The following CHST11 variants were observed in gnomAD, a reference collection of about 807,000 sequenced individuals.
CHST11 encodes C4S-1.
A neutral mutation model predicts 30.4 loss-of-function variants in CHST11; 9 were observed. The observed-to-expected ratio is 0.30, with a 90% CI of 0.18 to 0.52. CHST11 has a LOEUF of 0.52. Among genes scored for constraint, CHST11 ranks in the 20% least tolerant of loss-of-function variants. The pLI is 0.97. For synonymous variants in CHST11, 152 were observed against 187.8 expected, an observed-to-expected ratio of 0.81 and a Z score of 1.56; for missense variants, 348 against 460.6, an observed-to-expected ratio of 0.76 and a Z score of 2.24.
At chr12:104,672,801 T>C (rs1215365281) in intron 2 of CHST11, among the ~76,000 whole-genome samples, 1 of 152,172 alleles carries the variant, frequency 6.6e-6, no homozygotes, top group Non-Finnish European at 1.5e-5. Flanking sequence ...TTCACATGCC[T>C]CCCGCATGGC....
intron 2 of CHST11, among the ~76,000 whole-genome samples, chr12:104,724,929 G>C (rs182577343): frequency 6.6e-6 from 1 of 152,280 alleles, no homozygotes; most frequent in East Asian, 1.9e-4. Flanking sequence ...CTAGTGTTCT[G>C]TATTTTCTTT....
chr12:104,477,620 C>T (rs1161865718), intron 1 of CHST11, among the ~76,000 whole-genome samples: 1 of 152,096 alleles, frequency 6.6e-6, no homozygotes, highest in East Asian at 1.9e-4. Context: ...AGACCCTCAC[C>T]TCTTGTGCCA....
At chr12:104,529,688 T>G (rs1243161795) in intron 1 of CHST11, among the ~76,000 whole-genome samples, 1 of 152,082 alleles carries the variant, frequency 6.6e-6, no homozygotes, top group East Asian at 1.9e-4. Context: ...CATTTCTGCA[T>G]TCCAGCCAGT....
chr12:104,647,309 T>C (rs2039443585), intron 2 of CHST11, among the ~76,000 whole-genome samples: 1 of 152,234 alleles, frequency 6.6e-6, no homozygotes, highest in Non-Finnish European at 1.5e-5. Context: ...CTGGCTTCTC[T>C]TGAAAACCAG....
intron 1 of CHST11, among the ~76,000 whole-genome samples, chr12:104,572,568 T>C (rs962399127): frequency 6.6e-6 from 1 of 152,204 alleles, no homozygotes; most frequent in Non-Finnish European, 1.5e-5. Context: ...ATATCCCCTT[T>C]ATCATTTTTT....
intron 2 of CHST11, among the ~76,000 whole-genome samples, chr12:104,646,500 G>A (rs1034832434): frequency 2.0e-5 from 3 of 152,082 alleles, no homozygotes; most frequent in Admixed American, 6.5e-5. Context: ...TTGGGAGGCC[G>A]AGGTGGGTGG....
At chr12:104,651,036 AT>A (rs939477176) in intron 2 of CHST11, among the ~76,000 whole-genome samples, 4 of 152,166 alleles carry the variant, frequency 2.6e-5, no homozygotes, top group African/African-American at 9.7e-5. Flanking sequence ...ATTATGTCTA[AT>A]TTTTAGCCCC....
chr12:104,495,431 C>T (rs1182919127), intron 1 of CHST11, among the ~76,000 whole-genome samples: 2 of 152,164 alleles, frequency 1.3e-5, no homozygotes, highest in Non-Finnish European at 2.9e-5. Context: ...TTTTATATTC[C>T]TACCAACAGT....
intron 2 of CHST11, among the ~76,000 whole-genome samples, chr12:104,661,369 A>G (rs529154242): frequency 1.5e-4 from 23 of 152,140 alleles, no homozygotes; most frequent in Admixed American, 3.9e-4. Flanking sequence ...CCTGGGCAAT[A>G]TGGTAATACC....
rs140061545 is a variant in CHST11, at chr12:104,716,247, CCTT to C, written c.205-40696_205-40694del. Among the ~76,000 whole-genome samples the C allele has an allele frequency of 1.8e-3, 267 of 152,334 alleles. 2 individuals are homozygous for C. The highest frequency in any genetic ancestry group is 6.2e-3 in the African/African-American group (259 of 41,582). On this transcript the variant is annotated intron_variant, in intron 2 of 2. Coordinates refer to ENST00000303694, the MANE Select transcript of CHST11 (RefSeq NM_018413.6). ...ACCTTAGAGGCCAGAGTCACACCGT[CCTT>C]CTTCTCTGGGATGGCCCCCATCCCT...
At chr12:104,720,809 TGTC>T (rs1235740632) in intron 2 of CHST11, among the ~76,000 whole-genome samples, 1 of 151,932 alleles carries the variant, frequency 6.6e-6, no homozygotes, top group African/African-American at 2.4e-5. Flanking sequence ...AAACAGGAAA[TGTC>T]GTCTACCGTG....
chr12:104,486,208 A>G (rs2037677360), intron 1 of CHST11, among the ~76,000 whole-genome samples: 1 of 151,728 alleles, frequency 6.6e-6, no homozygotes, highest in African/African-American at 2.4e-5. Context: ...AAATATGATC[A>G]TTAGTCTGTG....
chr12:104,599,069 A>G (rs1021779103), intron 1 of CHST11, among the ~76,000 whole-genome samples: 6 of 152,184 alleles, frequency 3.9e-5, no homozygotes, highest in African/African-American at 1.4e-4. Context: ...ATCACACTGC[A>G]CCGACTGCCT....
chr12:104,727,369 G>GC (rs2040224798), intron 2 of CHST11, among the ~76,000 whole-genome samples: 1 of 152,196 alleles, frequency 6.6e-6, no homozygotes, highest in Non-Finnish European at 1.5e-5. Context: ...AGGGAAGTTG[G>GC]CCATCTGCTC....
rs547441569 is a variant in CHST11, at chr12:104,684,584, G to T, written c.205-72365G>T. 2.6e-5 allele frequency among the ~76,000 whole-genome samples: 4 copies of T among 152,350 alleles called. No homozygotes were observed. In the East Asian group the frequency reaches 7.7e-4, roughly 29 times the overall value. On this transcript the variant is annotated intron_variant, in intron 2 of 2. Transcript: ENST00000303694. ...TTTGTTAGAGACGGAGTCTCACTCT[G>T]TTACCCAGGCTGGAGTGCAGTAGCG... is the stretch of plus-strand genomic sequence containing the variant.
At chr12:104,756,738 G>T (rs948485621) in intron 2 of CHST11, among the ~76,000 whole-genome samples, 4 of 152,060 alleles carry the variant, frequency 2.6e-5, no homozygotes, top group Admixed American at 1.3e-4. Context: ...TTAGAGATGA[G>T]GTCTCACTAT....
chr12:104,602,402 C>T, intron 2 of CHST11: 1 of 199,512 alleles, frequency 5.0e-6, no homozygotes, highest in Non-Finnish European at 1.0e-5. Flanking sequence ...AGTGATGCCC[C>T]ACCTCACTGT....
intron 2 of CHST11, among the ~76,000 whole-genome samples, chr12:104,707,526 C>G (rs934895081): frequency 1.3e-5 from 2 of 152,298 alleles, no homozygotes; most frequent in Admixed American, 6.5e-5. Flanking sequence ...GCAGTGAATG[C>G]TAAGTTTTCT....
At chr12:104,547,302 T>C (rs1433299875) in intron 1 of CHST11, among the ~76,000 whole-genome samples, 1 of 152,126 alleles carries the variant, frequency 6.6e-6, no homozygotes, top group Non-Finnish European at 1.5e-5. Flanking sequence ...GCCCAAGTCT[T>C]CAGGTTTTCA....
Sources: gnomAD v4.1 joint callset for allele counts (sites outside exome capture counted in the v4.1 genomes callset) on GRCh38, gnomAD v4.1.1 for gene constraint, MANE v1.5 for transcripts, NCBI Gene and HGNC (gene_info 2026-07-23, HGNC 2026-07-21) for gene names.